PDE4D: variants seen among roughly 807,000 people sequenced by gnomAD.
PDE4D encodes the protein phosphodiesterase 4D, also known as 3',5'-cyclic-AMP phosphodiesterase 4D.
Under a neutral mutation model 87.4 loss-of-function variants are expected in PDE4D, and 24 were observed. The observed-to-expected ratio is 0.27, with a 90% CI of 0.20 to 0.39. The LOEUF is 0.39. Ranked by LOEUF, PDE4D falls within the 10% of genes least tolerant of loss-of-function variation. The pLI is 1.00. For missense variants in PDE4D, 714 were observed against 1,041.0 expected (o/e 0.69, Z 4.32); for synonymous variants, 384 against 383.2 (o/e 1.00, Z -0.02).
At chr5:59,555,114 A>G (rs781665393) in intron 1 of PDE4D, among the ~76,000 whole-genome samples, 20 of 152,232 alleles carry the variant, frequency 1.3e-4, no homozygotes, top group African/African-American at 4.3e-4. Flanking sequence ...ATGCCCATCA[A>G]TGGCAGATTG....
intron 1 of PDE4D, among the ~76,000 whole-genome samples, chr5:59,548,976 A>G (rs1478028166): frequency 6.6e-6 from 1 of 152,146 alleles, no homozygotes; most frequent in Admixed American, 6.6e-5. Context: ...TCCACGAATC[A>G]TTATTATTTT....
chr5:60,412,944 G>T (rs1218059138), intron 1 of PDE4D, among the ~76,000 whole-genome samples: 1 of 152,144 alleles, frequency 6.6e-6, no homozygotes, highest in Non-Finnish European at 1.5e-5. Context: ...ATTTGCTAAT[G>T]ACTAGGTGAA....
chr5:59,256,849 C>A (rs1389524557), intron 1 of PDE4D, among the ~76,000 whole-genome samples: 1 of 151,938 alleles, frequency 6.6e-6, no homozygotes, highest in Admixed American at 6.6e-5. Context: ...AAAATCAATA[C>A]ATTATATAAC....
rs1476920693 is a variant in PDE4D at position 60,134,667 on chromosome 5, A to G, written c.42+50890T>C. ...CTATAACCCATTCACATCCTCTCAT[A>G]TATTTTAAATCATCTCTAGATTTGT... On this transcript the variant is annotated intron_variant, in intron 2 of 16. Coordinates refer to the PDE4D transcript ENST00000502484. Among the ~76,000 whole-genome samples the G allele has an allele frequency of 5.5e-4, 84 of 152,362 alleles. 1 individual carries two copies. The highest frequency in any genetic ancestry group is 4.4e-5 in the Non-Finnish European group (3 of 68,044).
At chr5:60,491,733 A>G (rs139192078), upstream of PDE4D, among the ~76,000 whole-genome samples, 44 of 152,324 alleles carry the variant, frequency 2.9e-4, 1 homozygote, top group African/African-American at 1.0e-3. Context: ...TCTTTGCTTT[A>G]AACATGTAAA....
chr5:59,511,310 AAG>A (rs1477938849), intron 1 of PDE4D, among the ~76,000 whole-genome samples: 1 of 151,982 alleles, frequency 6.6e-6, no homozygotes, highest in Non-Finnish European at 1.5e-5. Context: ...TGTCAGAAGA[AAG>A]AGCAATATTT....
At chr5:60,191,595 G>GC (rs1785203592) in intron 1 of PDE4D, among the ~76,000 whole-genome samples, 1 of 152,228 alleles carries the variant, frequency 6.6e-6, no homozygotes, top group East Asian at 1.9e-4. Flanking sequence ...TTTATAAATT[G>GC]CCCAGTCTTG....
chr5:59,324,539 T>A, intron 1 of PDE4D, among the ~76,000 whole-genome samples: 1 of 152,144 alleles, frequency 6.6e-6, no homozygotes, highest in East Asian at 1.9e-4. Context: ...GGAAATGATT[T>A]TTTTTCTTTC....
intron 1 of PDE4D, among the ~76,000 whole-genome samples, chr5:59,788,230 A>G (rs1024655874): frequency 1.3e-5 from 2 of 152,186 alleles, no homozygotes; most frequent in Non-Finnish European, 2.9e-5. Context: ...CATTTCAAAG[A>G]AAAAAAAGAG....
intron 1 of PDE4D, among the ~76,000 whole-genome samples, chr5:59,797,558 T>G (rs528908621): frequency 1.3e-5 from 2 of 152,322 alleles, no homozygotes; most frequent in African/African-American, 4.8e-5. Context: ...GATCACTCTT[T>G]AACTGTAGAG....
chr5:59,919,137 T>G (rs1754396800), intron 3 of PDE4D, among the ~76,000 whole-genome samples: 1 of 152,216 alleles, frequency 6.6e-6, no homozygotes, highest in Non-Finnish European at 1.5e-5. Flanking sequence ...TAAAAAGTAT[T>G]GTTCTCGAAT....
intron 1 of PDE4D, among the ~76,000 whole-genome samples, chr5:59,473,263 G>C (rs770993674): frequency 2.6e-5 from 4 of 152,096 alleles, no homozygotes; most frequent in African/African-American, 4.8e-5. Context: ...CAAATATATA[G>C]TTTAGACTCT....
intron 1 of PDE4D, among the ~76,000 whole-genome samples, chr5:60,295,545 G>A (rs995610676): frequency 6.6e-6 from 1 of 152,142 alleles, no homozygotes; most frequent in African/African-American, 2.4e-5. Flanking sequence ...AGGAGGTGCT[G>A]TCCCGTGCAC....
At chr5:59,781,161 C>T (rs1764582695) in intron 1 of PDE4D, among the ~76,000 whole-genome samples, 1 of 96,726 alleles carries the variant, frequency 1.0e-5, no homozygotes, top group Non-Finnish European at 2.1e-5. Flanking sequence ...AGTTAAACTC[C>T]TTCTCAAAAA....
chr5:59,504,971 T>A (rs1188380271), intron 1 of PDE4D, among the ~76,000 whole-genome samples: 1 of 151,678 alleles, frequency 6.6e-6, no homozygotes, highest in Non-Finnish European at 1.5e-5. Context: ...TGTGTGTGTG[T>A]GAAAGTGAGA....
intron 1 of PDE4D, chr5:59,703,698 A>G (rs1752950992): frequency 2.0e-6 from 1 of 491,298 alleles, no homozygotes. Context: ...ATCAAAGAGC[A>G]CAGATTGACT....
intron 1 of PDE4D, among the ~76,000 whole-genome samples, chr5:59,890,574 C>A (rs919198963): frequency 5.3e-5 from 8 of 152,116 alleles, no homozygotes; most frequent in Non-Finnish European, 5.9e-5. Flanking sequence ...GGCTTTATGT[C>A]CTGTAGTATC....
chr5:60,074,412 T>C (rs563259967), intron 2 of PDE4D, among the ~76,000 whole-genome samples: 1 of 152,220 alleles, frequency 6.6e-6, no homozygotes, highest in East Asian at 1.9e-4. Context: ...TTGCTTAGGA[T>C]TGTCTAAAGT....
intron 2 of PDE4D, among the ~76,000 whole-genome samples, chr5:60,048,724 C>T (rs563269889): frequency 8.5e-5 from 13 of 152,154 alleles, no homozygotes; most frequent in Non-Finnish European, 1.8e-4. Flanking sequence ...AGAGTTTCTG[C>T]TGAGAGATCC....
Sources: gnomAD v4.1 joint callset for allele counts (sites outside exome capture counted in the v4.1 genomes callset) on GRCh38, gnomAD v4.1.1 for gene constraint, MANE v1.5 for transcripts, NCBI Gene and HGNC (gene_info 2026-07-23, HGNC 2026-07-21) for gene names.